PTPN23: variants seen among roughly 807,000 people sequenced by gnomAD.
The protein encoded by PTPN23 is tyrosine-protein phosphatase non-receptor type 23.
Under a neutral mutation model 156.3 loss-of-function variants are expected in PTPN23, and 72 were observed. The observed-to-expected ratio is 0.46, with a 90% CI of 0.38 to 0.56. The LOEUF (loss-of-function observed/expected upper bound fraction) is 0.56. Among genes scored for constraint, PTPN23 ranks in the 20% least tolerant of loss-of-function variants. The pLI is 0.00. For synonymous variants in PTPN23, 957 were observed against 899.6 expected (o/e 1.06, Z -1.14); for missense variants, 1,974 against 2,171.5 (o/e 0.91, Z 1.81).
Position 47,411,766 on chromosome 3 carries a change from G to C in PTPN23, c.3889-17G>C. ...ATCCTGGAAAACCAGGTCTGTCTTG[G>C]CTTATCTGTCCCTCAGCAAAAAGTG... On this transcript the variant is annotated splice_polypyrimidine_tract_variant and intron_variant, in intron 20 of 24. Transcript: ENST00000265562. The surrounding 1 kb of genome is among the most constrained non-coding windows in gnomAD (Gnocchi z 6.3). 1 of 1,601,150 alleles carries C rather than the reference G, an allele frequency of 6.2e-7. No homozygotes were observed. The highest frequency in any genetic ancestry group is 1.1e-5 in the South Asian group (1 of 89,886).
At position 47,410,875 on chromosome 3, in the gene PTPN23, C is replaced by T. The variant is rs772666484; in HGVS notation, c.3077C>T (p.Pro1026Leu). The T allele has an allele frequency of 3.1e-6, 5 of 1,611,318 alleles. No homozygotes were observed. The highest frequency in any genetic ancestry group is 2.2e-5 in the South Asian group (2 of 91,040). Residue 1026 changes from proline (P) to leucine (L), a missense_variant, in exon 20 of 25, where the codon CCT becomes CTT. Coordinates refer to ENST00000265562, the MANE Select transcript of PTPN23 (RefSeq NM_015466.4). The stretch of plus-strand genomic sequence containing the variant: ...CTCTACCCAGGTCCCGCTCAAGACC[C>T]TCTGCCAGCCCACTCAGGGGCTCTG... ...TQLYPGPAQD[P>L]LPAHSGALPF...
Position 47,413,307 on chromosome 3 carries a change from T to TGCCTGGCCCA in PTPN23, c.*128_*137dup, listed in dbSNP as rs1398835993. On this transcript the variant is annotated 3_prime_UTR_variant, in exon 25 of 25. Coordinates refer to ENST00000265562, the MANE Select transcript of PTPN23 (RefSeq NM_015466.4). ...CTCCCATTTCTGCTGCCTTTGGCCC[T>TGCCTGGCCCA]GCCTGGCCCAGCCTGCACCCCTGTG... is the stretch of plus-strand genomic sequence containing the variant. 7.2e-7 allele frequency: 1 copy of TGCCTGGCCCA among 1,395,034 alleles called. No individual in the cohort carries two copies. Among genetic ancestry groups the TGCCTGGCCCA allele is most frequent in the Non-Finnish European group, 9.8e-7 (1 of 1,023,970 alleles). The allele number at this position is 1,395,034 out of a possible 1,614,324, so 86.4% of individuals were successfully genotyped here. A position where few individuals can be genotyped will look rare whatever the true frequency, so the allele number is the denominator to read the frequency against.
intron 2 of PTPN23, among the ~76,000 whole-genome samples, chr3:47,403,536 G>T (rs137970230): frequency 6.6e-6 from 1 of 151,932 alleles, no homozygotes; most frequent in Non-Finnish European, 1.5e-5. Flanking sequence ...TTTACCTTTT[G>T]CTTTTTTTGA....
In PTPN23 at chr3:47,411,715, G is replaced by A. The variant is rs1431932033; in HGVS notation, c.3888+29G>A. On this transcript the variant is annotated intron_variant, in intron 20 of 24. Transcript: ENST00000265562. This position sits in a 1 kb window ranked among gnomAD's most constrained non-coding sequence, Gnocchi z 6.3. Reference sequence around the variant, plus strand: ...AGAAGAGGGGGTGGGTGCCCACGAGGGCAGTGTGGGGTGGCAGGGCAGGGG... The same window carrying A: ...AGAAGAGGGGGTGGGTGCCCACGAGAGCAGTGTGGGGTGGCAGGGCAGGGG... The A allele has an allele frequency of 6.3e-7, 1 of 1,595,962 alleles. No homozygotes were observed. The highest frequency in any genetic ancestry group is 8.6e-7 in the Non-Finnish European group (1 of 1,167,696).
Position 47,409,429 on chromosome 3 carries a change from G to A in PTPN23, c.1810G>A (p.Glu604Lys), listed in dbSNP as rs781605138. 6.2e-7 allele frequency: 1 copy of A among 1,614,118 alleles called. No individual in the cohort carries two copies. Among genetic ancestry groups the A allele is most frequent in the Non-Finnish European group, 8.5e-7 (1 of 1,180,020 alleles). ...ACCCCTTCCTCAGAAGTTGTTCGAGGAGCAGCTGAAAAAGTATGACCAGCT... is the reference window on the plus strand; with the variant it reads ...ACCCCTTCCTCAGAAGTTGTTCGAGAAGCAGCTGAAAAAGTATGACCAGCT... ...DHSEMKKLFE[E>K]QLKKYDQLKV... The change falls in exon 18 of 25, where the codon GAG becomes AAG. Residue 604 changes from glutamate (E) to lysine (K), a missense_variant. Physicochemically the swap from Glu to Lys is moderately conservative, Grantham distance 56. Coordinates refer to ENST00000265562, the MANE Select transcript of PTPN23 (RefSeq NM_015466.4).
At position 47,410,841 on chromosome 3, in the gene PTPN23, C is replaced by G; in HGVS notation, c.3043C>G (p.His1015Asp). 1 of 1,603,824 alleles carries G rather than the reference C, an allele frequency of 6.2e-7. No homozygotes were observed. Among genetic ancestry groups the G allele is most frequent in the Non-Finnish European group, 8.5e-7 (1 of 1,172,640 alleles). Residue 1015 changes from histidine (H) to aspartate (D), a missense_variant, in exon 20 of 25, where the codon CAC (histidine) becomes GAC (aspartate). Transcript: ENST00000265562. ...GVLGQPPPPL[H>D]TQLYPGPAQD... ...CCTGGGGCAGCCGCCACCCCCCCTA[C>G]ACACCCAGCTCTACCCAGGTCCCGC...
rs1173043418 is a variant in PTPN23, at chr3:47,410,274, G to C, written c.2476G>C (p.Ala826Pro). 1 of 1,608,414 alleles carries C rather than the reference G, an allele frequency of 6.2e-7. No homozygotes were observed. The highest frequency in any genetic ancestry group is 1.7e-5 in the Admixed American group (1 of 59,472). ...APGPALYPAPAYTPELGLVPR... is the reference protein window; with the variant it reads ...APGPALYPAPPYTPELGLVPR... ...TGGGCCTGCCCTCTACCCAGCCCCT[G>C]CCTACACACCGGAGCTGGGCCTTGT... The change falls in exon 20 of 25, where the codon GCC (alanine) becomes CCC (proline). Residue 826 changes from alanine to proline, a missense_variant. Around this residue, in one of 4 missense-constraint regions of PTPN23, gnomAD observed 731 missense variants for 669.1 expected, o/e 1.09. Coordinates refer to ENST00000265562, the MANE Select transcript of PTPN23 (RefSeq NM_015466.4).
rs756230136 is a variant in PTPN23 at position 47,412,564 on chromosome 3, C to G, written c.4368C>G (p.Val1456=). The G allele has an allele frequency of 4.3e-6, 7 of 1,613,550 alleles. No individual in the cohort carries two copies. Among genetic ancestry groups the G allele is most frequent in the Admixed American group, 1.7e-5 (1 of 60,002 alleles). The change falls in exon 24 of 25, where the codon GTC becomes GTG. Residue 1456 remains valine (V), a synonymous_variant. Coordinates refer to ENST00000265562, the MANE Select transcript of PTPN23 (RefSeq NM_015466.4). ...YEAVVRHVEQ[V]LQRHGVPPPC... The stretch of plus-strand genomic sequence containing the variant: ...CAGTGGTGAGACACGTGGAGCAGGT[C>G]CTGCAGCGCCATGGTGTGCCTCCTC...
At chr3:47,394,938 G>T (rs1559520413) in intron 1 of PTPN23, among the ~76,000 whole-genome samples, 2 of 152,194 alleles carry the variant, frequency 1.3e-5, no homozygotes, top group Non-Finnish European at 2.9e-5. Flanking sequence ...AGAGAGAAAA[G>T]AGCTTATGGA....
In PTPN23 at chr3:47,407,553, C is replaced by G; in HGVS notation, c.972C>G (p.Val324=). 6.2e-7 allele frequency: 1 copy of G among 1,613,998 alleles called. No individual in the cohort carries two copies. Among genetic ancestry groups the G allele is most frequent in the South Asian group, 1.1e-5 (1 of 91,076 alleles). Residue 324 remains valine (V), a synonymous_variant, in exon 12 of 25, where the codon GTC becomes GTG. Coordinates refer to ENST00000265562, the MANE Select transcript of PTPN23 (RefSeq NM_015466.4). The surrounding 1 kb of genome is among the most constrained non-coding windows in gnomAD (Gnocchi z 4.0). ...ACGACTTCATTTACCATGAGGCTGTCCCAGCATTGGACACTCTTCAGCCTG... is the reference window on the plus strand; with the variant it reads ...ACGACTTCATTTACCATGAGGCTGTGCCAGCATTGGACACTCTTCAGCCTG... ...KDNDFIYHEA[V]PALDTLQPVK... is the part of the protein sequence containing the mutation.
chr3:47,406,419 T>C lies in PTPN23; in HGVS notation c.627+14T>C, dbSNP rs767828168. ...ATCAGTGCACAGGTAGGGACGGGGC[T>C]GAGGGGAGGCCTTCACTTTACTGCT... On this transcript the variant is annotated intron_variant, in intron 7 of 24. Transcript: ENST00000265562. This position sits in a 1 kb window ranked among gnomAD's most constrained non-coding sequence, Gnocchi z 5.8. The C allele has an allele frequency of 2.5e-6, 4 of 1,613,884 alleles. No homozygotes were observed. Among genetic ancestry groups the C allele is most frequent in the South Asian group, 1.1e-5 (1 of 91,080 alleles).
At position 47,404,753 on chromosome 3, in the gene PTPN23, C is replaced by T. The variant is rs1705082423; in HGVS notation, c.261C>T (p.Gly87=). The change falls in exon 3 of 25, where the codon GGC becomes GGT. Residue 87 remains glycine (G), a synonymous_variant. Transcript: ENST00000265562. The part of the protein sequence containing the change: ...YLQSRVPMGS[G]QEAAVPVTWT... ...AGAGTCGGGTCCCCATGGGCTCGGG[C>T]CAGGAGGCCGCTGTCCCTGTCACCT... The T allele has an allele frequency of 6.2e-7, 1 of 1,613,766 alleles. No individual in the cohort carries two copies. Among genetic ancestry groups the T allele is most frequent in the South Asian group, 1.1e-5 (1 of 91,076 alleles).
chr3:47,411,060 C>G lies in PTPN23; in HGVS notation c.3262C>G (p.Pro1088Ala). 1 of 1,585,240 alleles carries G rather than the reference C, an allele frequency of 6.3e-7. No individual in the cohort carries two copies. The highest frequency in any genetic ancestry group is 8.6e-7 in the Non-Finnish European group (1 of 1,166,518). The stretch of plus-strand genomic sequence containing the variant: ...CCCTAGTCCCCACCTGGTGCCTTCA[C>G]CTGCCCCATCTCCAGGGCCTGGTCC... ...STPSPHLVPS[P>A]APSPGPGPVP... The change falls in exon 20 of 25, where the codon CCT (proline) becomes GCT (alanine). Residue 1088 changes from proline (P) to alanine (A), a missense_variant. Coordinates refer to ENST00000265562, the MANE Select transcript of PTPN23 (RefSeq NM_015466.4). This position sits in a 1 kb window ranked among gnomAD's most constrained non-coding sequence, Gnocchi z 6.3.
At position 47,410,255 on chromosome 3, in the gene PTPN23, T is replaced by G; in HGVS notation, c.2457T>G (p.Pro819=). ...GPHAMPVAPG[P]ALYPAPAYTP... ...ATGCAATGCCCGTAGCACCTGGGCC[T>G]GCCCTCTACCCAGCCCCTGCCTACA... Residue 819 remains proline (P), a synonymous_variant, in exon 20 of 25, where the codon CCT becomes CCG. Coordinates refer to ENST00000265562, the MANE Select transcript of PTPN23 (RefSeq NM_015466.4). 6.2e-7 allele frequency: 1 copy of G among 1,610,770 alleles called. No homozygotes were observed. Among genetic ancestry groups the G allele is most frequent in the Non-Finnish European group, 8.5e-7 (1 of 1,178,602 alleles).
At chr3:47,403,161 TCCTGCTTCAG>T (rs1705037412) in intron 2 of PTPN23, among the ~76,000 whole-genome samples, 5 of 151,718 alleles carry the variant, frequency 3.3e-5, no homozygotes, top group Admixed American at 3.3e-4. Context: ...CACGCCATTC[TCCTGCTTCAG>T]CCTCCCTAGT....
chr3:47,412,002 T>TA, intron 21 of PTPN23, 35 bp downstream of exon 21: 9 of 1,606,010 alleles, frequency 5.6e-6, no homozygotes, highest in Non-Finnish European at 7.7e-6. Flanking sequence ...GTTGGGGGTC[T>TA]AAGTGCTGTC....
chr3:47,412,038 G>A, intron 21 of PTPN23, 56 bp from the exon 22 acceptor site: 1 of 1,609,206 alleles, frequency 6.2e-7, no homozygotes, highest in East Asian at 2.2e-5. Flanking sequence ...GGAGGGATGA[G>A]AGCCTCAGGT....
At chr3:47,403,846 C>T (rs1038321168) in intron 2 of PTPN23, among the ~76,000 whole-genome samples, 4 of 152,172 alleles carry the variant, frequency 2.6e-5, no homozygotes, top group African/African-American at 9.7e-5. Context: ...CAGTTTTTGA[C>T]CCTGGTAATA....
chr3:47,408,602 C>A, intron 15 of PTPN23, 112 bp downstream of exon 15: 2 of 1,469,884 alleles, frequency 1.4e-6, no homozygotes, highest in Non-Finnish European at 9.2e-7. Flanking sequence ...TAGGCCCTGG[C>A]TTGGGCATCC....
Sources: allele counts gnomAD v4.1 joint callset (sites outside exome capture counted in the v4.1 genomes callset), GRCh38; gene constraint gnomAD v4.1.1; regional missense constraint gnomAD v4.1.1; non-coding constraint Gnocchi (gnomAD v3.1); transcripts MANE v1.5; gene names NCBI Gene and HGNC (gene_info 2026-07-23, HGNC 2026-07-21).